CACNA2D3: variants seen among roughly 807,000 people sequenced by gnomAD.
CACNA2D3 encodes voltage-dependent calcium channel subunit alpha-2/delta-3.
A neutral mutation model predicts 160.6 loss-of-function variants in CACNA2D3; 60 were observed. The ratio of observed to expected loss-of-function variants is 0.37; its 90% CI spans 0.30 to 0.46. The LOEUF (loss-of-function observed/expected upper bound fraction) is 0.46. Among genes scored for constraint, CACNA2D3 ranks in the 20% least tolerant of loss-of-function variants. The pLI, the probability that CACNA2D3 is intolerant of heterozygous loss-of-function variation, is 1.00. For synonymous variants in CACNA2D3, 558 were observed against 492.9 expected, an observed-to-expected ratio of 1.13 and a Z score of -1.75; for missense variants, 1,205 against 1,365.0, an observed-to-expected ratio of 0.88 and a Z score of 1.85.
At chr3:54,550,413 T>C (rs1702136839) in intron 5 of CACNA2D3, among the ~76,000 whole-genome samples, 1 of 152,172 alleles carries the variant, frequency 6.6e-6, no homozygotes, top group African/African-American at 2.4e-5. Context: ...GCCGAGCAGC[T>C]GGCACCGCGT....
Position 54,453,848 on chromosome 3 carries a change from A to G in CACNA2D3, c.382-49644A>G, listed in dbSNP as rs536958515. Among the ~76,000 whole-genome samples, 4 of 152,300 alleles carry G rather than the reference A, an allele frequency of 2.6e-5. No individual in the cohort carries two copies. The East Asian group carries it at 7.7e-4, about 29-fold the overall frequency. On this transcript the variant is annotated intron_variant, in intron 4 of 37. Coordinates refer to ENST00000474759, the MANE Select transcript of CACNA2D3 (RefSeq NM_018398.3). ...ATTATTAGTTCGAGCTGTGCAAAGT[A>G]CCTGTCCCCACATGTTGGGGAGATC...
At chr3:54,721,840 A>C (rs1372608618) in intron 11 of CACNA2D3, among the ~76,000 whole-genome samples, 1 of 151,996 alleles carries the variant, frequency 6.6e-6, no homozygotes, top group Non-Finnish European at 1.5e-5. Flanking sequence ...GGCTGCCTTA[A>C]CATTTTTTCC....
intron 31 of CACNA2D3, among the ~76,000 whole-genome samples, chr3:55,001,141 T>C (rs1398356961): frequency 6.6e-6 from 1 of 152,202 alleles, no homozygotes; most frequent in Non-Finnish European, 1.5e-5. Context: ...TTGTTATCAT[T>C]GCCTTCCGCT....
chr3:54,175,383 G>A (rs372287036), intron 2 of CACNA2D3, among the ~76,000 whole-genome samples: 45 of 152,140 alleles, frequency 3.0e-4, no homozygotes, highest in African/African-American at 1.0e-3. Context: ...TTGGGAGACC[G>A]AGGCGGGCGG....
intron 4 of CACNA2D3, among the ~76,000 whole-genome samples, chr3:54,491,256 A>G (rs1262850274): frequency 1.3e-5 from 2 of 152,208 alleles, no homozygotes; most frequent in Admixed American, 6.5e-5. Context: ...GTTTGCAGCC[A>G]GTTGGCTCTA....
chr3:54,298,967 A>T (rs1703407194), intron 2 of CACNA2D3, among the ~76,000 whole-genome samples: 1 of 83,776 alleles, frequency 1.2e-5, no homozygotes, highest in South Asian at 4.8e-4. Context: ...AAAAAAAAAA[A>T]AAAAAAGAAG....
intron 31 of CACNA2D3, among the ~76,000 whole-genome samples, chr3:55,002,296 C>T: frequency 6.6e-6 from 1 of 152,206 alleles, no homozygotes; most frequent in Non-Finnish European, 1.5e-5. Context: ...TCACCTGGCT[C>T]TGGCACATGT....
chr3:54,256,967 C>G (rs556936806), intron 2 of CACNA2D3, among the ~76,000 whole-genome samples: 5 of 152,300 alleles, frequency 3.3e-5, no homozygotes, highest in African/African-American at 1.2e-4. Flanking sequence ...CTGCGTTTGG[C>G]CCTTCCTTCA....
intron 27 of CACNA2D3, among the ~76,000 whole-genome samples, chr3:54,968,006 A>T (rs1702187974): frequency 6.6e-6 from 1 of 152,252 alleles, no homozygotes; most frequent in African/African-American, 2.4e-5. Flanking sequence ...TAGCCTCATG[A>T]CAAGTGCTTT....
At chr3:54,965,025 C>A (rs556653780) in intron 27 of CACNA2D3, among the ~76,000 whole-genome samples, 2 of 152,182 alleles carry the variant, frequency 1.3e-5, no homozygotes, top group African/African-American at 4.8e-5. Flanking sequence ...TACTAAAGAC[C>A]TTCAATGGCA....
intron 18 of CACNA2D3, chr3:54,878,703 G>T: frequency 4.4e-6 from 1 of 227,128 alleles, no homozygotes; most frequent in Admixed American, 5.7e-5. Flanking sequence ...CCCCAGAGAC[G>T]TTCTTGCTCG....
intron 2 of CACNA2D3, among the ~76,000 whole-genome samples, chr3:54,144,753 T>TA (rs1277286131): frequency 2.0e-5 from 3 of 152,332 alleles, no homozygotes; most frequent in Non-Finnish European, 4.4e-5. Context: ...AATATGCACT[T>TA]ACGGAGTTAT....
At chr3:54,878,437 CA>C (rs955491492) in intron 18 of CACNA2D3, among the ~76,000 whole-genome samples, 1 of 152,062 alleles carries the variant, frequency 6.6e-6, no homozygotes, top group Non-Finnish European at 1.5e-5. Context: ...ACAGGACCTC[CA>C]AAAAATCAGA....
chr3:54,537,093 C>CAG (rs35469509), intron 5 of CACNA2D3, among the ~76,000 whole-genome samples: 2,303 of 148,520 alleles, frequency 0.016, 36 homozygotes, highest in African/African-American at 0.033. Flanking sequence ...GAAACCAAGG[C>CAG]AGAGAGAGAG....
chr3:54,871,760 C>T (rs977202955), intron 18 of CACNA2D3, 138 bp downstream of exon 18: 4 of 649,640 alleles, frequency 6.2e-6, no homozygotes, highest in East Asian at 2.7e-5. Context: ...AGACAAGGGG[C>T]CTTTGTACCA....
At chr3:54,655,961 C>G (rs756192992) in intron 11 of CACNA2D3, among the ~76,000 whole-genome samples, 2 of 152,164 alleles carry the variant, frequency 1.3e-5, no homozygotes, top group African/African-American at 2.4e-5. Context: ...CTGTGGTTCC[C>G]TCATTTAGAA....
intron 4 of CACNA2D3, among the ~76,000 whole-genome samples, chr3:54,452,000 A>T (rs972064682): frequency 2.0e-5 from 3 of 152,192 alleles, no homozygotes; most frequent in African/African-American, 7.2e-5. Context: ...GTGTCCAATA[A>T]CATGTTCATA....
At chr3:54,669,810 T>G (rs987147497) in intron 11 of CACNA2D3, among the ~76,000 whole-genome samples, 1 of 152,208 alleles carries the variant, frequency 6.6e-6, no homozygotes, top group African/African-American at 2.4e-5. Flanking sequence ...GTTATGAGAC[T>G]GGCTAATTTT....
At chr3:54,175,683 A>G (rs1700666757) in intron 2 of CACNA2D3, among the ~76,000 whole-genome samples, 1 of 150,768 alleles carries the variant, frequency 6.6e-6, no homozygotes. Context: ...TCATTGTTTT[A>G]TGTTATACAG....
Sources: gnomAD v4.1 joint callset for allele counts (sites outside exome capture counted in the v4.1 genomes callset) on GRCh38, gnomAD v4.1.1 for gene constraint, MANE v1.5 for transcripts, NCBI Gene and HGNC (gene_info 2026-07-23, HGNC 2026-07-21) for gene names.